The following PRDM4 variants were observed in gnomAD, a reference collection of about 807,000 sequenced individuals.
PRDM4 encodes the protein PR domain zinc finger protein 4.
Under a neutral mutation model 62.3 loss-of-function variants are expected in PRDM4, and 38 were observed. That is an observed-to-expected ratio of 0.61 (90% confidence interval 0.47 to 0.80). The LOEUF (loss-of-function observed/expected upper bound fraction) is 0.80, where lower values mean the gene tolerates loss of function less well. PRDM4 is among the 30% of genes least tolerant of loss of function. The pLI, the probability that PRDM4 is intolerant of heterozygous loss-of-function variation, is 0.00. For missense variants in PRDM4, 858 were observed against 997.1 expected, an observed-to-expected ratio of 0.86 and a Z score of 1.88; for synonymous variants, 339 against 348.2, an observed-to-expected ratio of 0.97 and a Z score of 0.30.
rs576379980 is a variant in PRDM4 at position 107,733,069 on chromosome 12, G to C, written c.*1141C>G. On this transcript the variant is annotated 3_prime_UTR_variant, in exon 12 of 12. Transcript: ENST00000228437. ...GTGGGTCTGCTTCTGAGAAACGCTGGATGTGCATGGGAGACACAATGACCA... is the reference window on the plus strand; with the variant it reads ...GTGGGTCTGCTTCTGAGAAACGCTGCATGTGCATGGGAGACACAATGACCA... 4.5e-4 allele frequency: 68 copies of C among 152,716 alleles called. No individual in the cohort carries two copies. Among genetic ancestry groups the C allele is most frequent in the African/African-American group, 1.6e-3 (65 of 41,546 alleles). 9.5% of individuals were successfully genotyped at this position (152,716 alleles called of 1,614,324 possible). A position where few individuals can be genotyped will look rare whatever the true frequency, so the allele number is the denominator to read the frequency against.
At chr12:107,734,820 G>A (rs921222250) in intron 11 of PRDM4, among the ~76,000 whole-genome samples, 5 of 152,054 alleles carry the variant, frequency 3.3e-5, no homozygotes, top group African/African-American at 9.7e-5. Flanking sequence ...TCAAGCTGCT[G>A]TATCAGTTGT....
chr12:107,740,338 T>C (rs1313334600), intron 10 of PRDM4, among the ~76,000 whole-genome samples: 3 of 151,870 alleles, frequency 2.0e-5, no homozygotes, highest in African/African-American at 7.3e-5. Flanking sequence ...AATACAAAAA[T>C]TAGTCAGGTG....
chr12:107,737,618 C>T (rs372071798), intron 11 of PRDM4, among the ~76,000 whole-genome samples: 2 of 152,208 alleles, frequency 1.3e-5, no homozygotes, highest in African/African-American at 4.8e-5. Flanking sequence ...AATATATCCA[C>T]TTGCCAGAGA....
At position 107,744,540 on chromosome 12, in the gene PRDM4, G is replaced by T; in HGVS notation, c.1395+3C>A. 4 of 1,612,584 alleles carry T rather than the reference G, an allele frequency of 2.5e-6. No individual in the cohort carries two copies. In the South Asian group the frequency reaches 4.4e-5, roughly 18 times the overall value. ...GCCACAGAAAAGTTTCATCAGGACT[G>T]ACCTTCCAGATATGGTTAACTGCCT... On this transcript the variant is annotated splice_donor_region_variant and intron_variant, in intron 7 of 11. Coordinates refer to ENST00000228437, the MANE Select transcript of PRDM4 (RefSeq NM_012406.4).
intron 10 of PRDM4, among the ~76,000 whole-genome samples, chr12:107,740,571 T>G (rs1890485372): frequency 6.6e-6 from 1 of 151,794 alleles, no homozygotes; most frequent in Non-Finnish European, 1.5e-5. Context: ...GCTCAAAAAA[T>G]AAACTGTGGC....
intron 4 of PRDM4, among the ~76,000 whole-genome samples, chr12:107,753,277 T>C (rs1424777658): frequency 6.6e-6 from 1 of 151,974 alleles, no homozygotes; most frequent in Non-Finnish European, 1.5e-5. Flanking sequence ...TGTGCCTGTA[T>C]TCCAAGCTAC....
intron 5 of PRDM4, among the ~76,000 whole-genome samples, chr12:107,749,936 G>C (rs574644658): frequency 6.6e-5 from 10 of 152,088 alleles, no homozygotes; most frequent in South Asian, 6.2e-4. Context: ...TTTGGTTCTA[G>C]GCACTTACAG....
At chr12:107,751,231 A>G (rs903432278) in intron 5 of PRDM4, among the ~76,000 whole-genome samples, 184 bp downstream of exon 5, 1 of 152,260 alleles carries the variant, frequency 6.6e-6, no homozygotes, top group Non-Finnish European at 1.5e-5. Flanking sequence ...ATGTATGTAT[A>G]TCATTTGGCT....
At chr12:107,738,829 TACAA>T (rs1489652550) in intron 11 of PRDM4, among the ~76,000 whole-genome samples, 2 of 149,998 alleles carry the variant, frequency 1.3e-5, no homozygotes, top group Non-Finnish European at 3.0e-5. Flanking sequence ...ACTGGGCACT[TACAA>T]ACAGTTAAGA....
At chr12:107,742,375 G>A (rs1890545380) in intron 8 of PRDM4, 27 bp from the exon 9 acceptor site, 1 of 1,611,206 alleles carries the variant, frequency 6.2e-7, no homozygotes, top group Non-Finnish European at 8.5e-7. Context: ...AATAGATCAA[G>A]CACATTAATT....
intron 5 of PRDM4, 62 bp from the exon 6 acceptor site, chr12:107,746,486 AC>A: frequency 1.6e-6 from 2 of 1,290,128 alleles, no homozygotes; most frequent in Non-Finnish European, 2.1e-6. Flanking sequence ...AATTACCACC[AC>A]GGTTTTTTTT....
At chr12:107,755,803 C>T (rs1195159168) in intron 3 of PRDM4, among the ~76,000 whole-genome samples, 3 of 152,132 alleles carry the variant, frequency 2.0e-5, no homozygotes, top group South Asian at 4.2e-4. Context: ...AGTACAGTGA[C>T]GGCTGGCGCG....
intron 9 of PRDM4, 136 bp from the exon 10 acceptor site, chr12:107,741,396 T>C (rs768756250): frequency 3.0e-5 from 24 of 808,838 alleles, no homozygotes; most frequent in Non-Finnish European, 4.4e-5. Context: ...ACTAAAATAA[T>C]GTACTAAGGG....
chr12:107,746,353 T>A lies in PRDM4; in HGVS notation c.1198A>T (p.Thr400Ser). ...EHGPVTFVPD[T>S]PIESRARLSL... ...AGCCTTGCTCTGCTCTCTATTGGAG[T>A]GTCAGGAACAAAAGTCACTGGTCCA... is the stretch of plus-strand genomic sequence containing the variant. The change falls in exon 6 of 12, where the codon ACT (threonine) becomes TCT (serine). Residue 400 changes from threonine to serine, a missense_variant. Physicochemically the swap from Thr to Ser is moderately conservative, Grantham distance 58. This residue lies in a region of PRDM4 where 499 missense variants were observed against 546.7 expected (regional missense o/e 0.91). Transcript: ENST00000228437. The A allele has an allele frequency of 6.2e-7, 1 of 1,613,740 alleles. No individual in the cohort carries two copies.
intron 5 of PRDM4, 116 bp from the exon 6 acceptor site, chr12:107,746,540 A>G: frequency 2.0e-6 from 2 of 1,007,884 alleles, no homozygotes; most frequent in Non-Finnish European, 2.8e-6. Context: ...GCTGGAGTGC[A>G]ATGGCGCGAT....
chr12:107,742,544 A>C, intron 8 of PRDM4, 196 bp from the exon 9 acceptor site: 1 of 593,600 alleles, frequency 1.7e-6, no homozygotes. Context: ...TCAACATATT[A>C]GCTGATGACC....
chr12:107,741,253 A>T lies in PRDM4; in HGVS notation c.1617T>A (p.Pro539=). ...SRDYAQQIGV[P]EHPDVHLCNC... is the part of the protein sequence containing the mutation. ...TACAGAGATGCACATCTGGGTGTTC[A>T]GGAACACCTTTTAAAAAAAAATTAC... is the stretch of plus-strand genomic sequence containing the variant. The change falls in exon 10 of 12, where the codon CCT becomes CCA. Residue 539 remains proline (P), a synonymous_variant. Coordinates refer to ENST00000228437, the MANE Select transcript of PRDM4 (RefSeq NM_012406.4). 6.2e-7 allele frequency: 1 copy of T among 1,600,820 alleles called. No homozygotes were observed. The highest frequency in any genetic ancestry group is 8.5e-7 in the Non-Finnish European group (1 of 1,171,090).
chr12:107,751,355 G>T (rs1019201021), intron 5 of PRDM4, 60 bp downstream of exon 5: 11 of 1,495,990 alleles, frequency 7.4e-6, no homozygotes, highest in Non-Finnish European at 1.0e-5. Context: ...GACTTAACTT[G>T]TTAGGGATGG....
rs908853873 is a variant in PRDM4, at chr12:107,734,583, C to T, written c.2094-61G>A. ...GTTACAAATAACAACTGAGGCAACA[C>T]TTATTCTTCATAGCCGCAGGCCTTT... On this transcript the variant is annotated intron_variant, in intron 11 of 11. Coordinates refer to ENST00000228437, the MANE Select transcript of PRDM4 (RefSeq NM_012406.4). The T allele has an allele frequency of 7.4e-6, 11 of 1,489,830 alleles. No individual in the cohort carries two copies. In the African/African-American group the frequency reaches 1.3e-4, roughly 17 times the overall value. 92.3% of individuals were successfully genotyped at this position (1,489,830 alleles called of 1,614,324 possible). A position where few individuals can be genotyped will look rare whatever the true frequency, so the allele number is the denominator to read the frequency against.
Sources: gnomAD v4.1 joint callset for allele counts (sites outside exome capture counted in the v4.1 genomes callset) on GRCh38, gnomAD v4.1.1 for gene constraint, gnomAD v4.1.1 regional missense constraint, MANE v1.5 for transcripts, NCBI Gene and HGNC (gene_info 2026-07-23, HGNC 2026-07-21) for gene names.